The following SASH1 variants were observed in gnomAD, a reference collection of about 807,000 sequenced individuals.
SASH1 encodes SAM and SH3 domain containing 1, also known as SAM and SH3 domain-containing protein 1.
SASH1 carries 44 observed loss-of-function variants against 125.2 expected under a neutral mutation model. The ratio of observed to expected loss-of-function variants is 0.35; its 90% CI spans 0.28 to 0.45. SASH1 has a LOEUF of 0.45. Among genes scored for constraint, SASH1 ranks in the 20% least tolerant of loss-of-function variants. SASH1 has a pLI of 1.00. For missense variants in SASH1, 1,426 were observed against 1,614.5 expected (o/e 0.88, Z 2.00); for synonymous variants, 639 against 649.1 (o/e 0.98, Z 0.24).
intron 15 of SASH1, 119 bp from the exon 16 acceptor site, chr6:148,534,631 CT>C: frequency 5.1e-6 from 5 of 972,184 alleles, no homozygotes; most frequent in Non-Finnish European, 8.1e-6. Flanking sequence ...ACTTACTAAT[CT>C]TTTGATTAGC....
At chr6:148,520,847 GTGA>G (rs1780765592) in intron 10 of SASH1, among the ~76,000 whole-genome samples, 1 of 152,154 alleles carries the variant, frequency 6.6e-6, no homozygotes, top group Non-Finnish European at 1.5e-5. Flanking sequence ...CACCAATTTG[GTGA>G]TTTGAAAACA....
the SASH1 span, among the ~76,000 whole-genome samples, chr6:148,200,401 G>C: frequency 6.6e-6 from 1 of 152,214 alleles, no homozygotes; most frequent in Non-Finnish European, 1.5e-5. Context: ...GCAGTGCTGT[G>C]ATCTCTGCAG....
At chr6:148,443,491 T>TATATATA (rs1264899192) in intron 4 of SASH1, among the ~76,000 whole-genome samples, 115 of 25,726 alleles carry the variant, frequency 4.5e-3, no homozygotes, top group South Asian at 0.013. Context: ...TTATATATAT[T>TATATATA]TTATATATAT....
At chr6:148,401,763 C>T (rs914614311) in intron 2 of SASH1, among the ~76,000 whole-genome samples, 2 of 151,626 alleles carry the variant, frequency 1.3e-5, no homozygotes, top group African/African-American at 2.4e-5. Context: ...CATGAATATT[C>T]GTGAACATCT....
At chr6:148,341,099 C>T (rs1781306515), upstream of SASH1, among the ~76,000 whole-genome samples, 1 of 152,124 alleles carries the variant, frequency 6.6e-6, no homozygotes. Context: ...TGCAGCACTG[C>T]ACTGCCGGGG....
At chr6:148,354,981 A>T (rs940028569) in intron 1 of SASH1, among the ~76,000 whole-genome samples, 2 of 152,030 alleles carry the variant, frequency 1.3e-5, no homozygotes, top group African/African-American at 4.8e-5. Flanking sequence ...CTGGTCTCGA[A>T]CTCCTGACCT....
the SASH1 span, among the ~76,000 whole-genome samples, chr6:148,257,465 G>A: frequency 6.6e-6 from 1 of 152,174 alleles, no homozygotes; most frequent in Non-Finnish European, 1.5e-5. Context: ...TCTCTCATGT[G>A]TTCCTGACTT....
At chr6:148,211,210 T>C in the SASH1 span, among the ~76,000 whole-genome samples, 5 of 152,194 alleles carry the variant, frequency 3.3e-5, no homozygotes, top group Admixed American at 6.5e-5. Context: ...TAGGAATAAA[T>C]ACAAAGAGAA....
the SASH1 span, among the ~76,000 whole-genome samples, chr6:148,202,665 G>A: frequency 3.9e-5 from 6 of 152,218 alleles, no homozygotes; most frequent in African/African-American, 1.4e-4. Flanking sequence ...GGGAAAGAAA[G>A]AATATAAGGT....
At position 148,551,093 on chromosome 6, in the gene SASH1, G is replaced by A. The variant is rs1002201157; in HGVS notation, c.*2535G>A. The A allele has an allele frequency of 6.6e-6, 1 of 152,548 alleles. No homozygotes were observed. 9.4% of individuals were successfully genotyped at this position (152,548 alleles called of 1,614,324 possible). A position where few individuals can be genotyped will look rare whatever the true frequency, so the allele number is the denominator to read the frequency against. On this transcript the variant is annotated 3_prime_UTR_variant, in exon 20 of 20. Coordinates refer to ENST00000367467, the MANE Select transcript of SASH1 (RefSeq NM_015278.5). Reference sequence around the variant, plus strand: ...GGAATGTCTAGTCTGAGGGGTCTGAGGTTGTTTTTACTTTATTGTGTTGTT... The same window carrying A: ...GGAATGTCTAGTCTGAGGGGTCTGAAGTTGTTTTTACTTTATTGTGTTGTT...
intron 1 of SASH1, among the ~76,000 whole-genome samples, chr6:148,378,671 G>A (rs1783011445): frequency 6.6e-6 from 1 of 152,136 alleles, no homozygotes; most frequent in South Asian, 2.1e-4. Flanking sequence ...TTCTCATGTA[G>A]GCCACCCTTA....
intron 2 of SASH1, among the ~76,000 whole-genome samples, chr6:148,410,396 C>A (rs558290402): frequency 1.1e-4 from 16 of 152,072 alleles, no homozygotes; most frequent in African/African-American, 3.6e-4. Context: ...GAGCCCTCCC[C>A]GTAAGAAACT....
chr6:148,512,447 G>A (rs912635642), intron 8 of SASH1: 2 of 984,384 alleles, frequency 2.0e-6, no homozygotes, highest in African/African-American at 3.5e-5. Context: ...ATGTTTATAT[G>A]TAATTCCATG....
intron 2 of SASH1, among the ~76,000 whole-genome samples, chr6:148,418,320 T>C (rs1784909377): frequency 6.6e-6 from 1 of 152,228 alleles, no homozygotes; most frequent in Non-Finnish European, 1.5e-5. Context: ...CTACTCGGGA[T>C]AAACAAGGAC....
chr6:148,391,754 G>A lies in SASH1; in HGVS notation c.285+1492G>A, dbSNP rs530204563. Reference sequence around the variant, plus strand: ...ATTTGCTATAAAATATCATAAAAGCGTCTGCATTTCTCAGTTTAAATGTCT... The same window carrying A: ...ATTTGCTATAAAATATCATAAAAGCATCTGCATTTCTCAGTTTAAATGTCT... On this transcript the variant is annotated intron_variant, in intron 2 of 19. Coordinates refer to ENST00000367467, the MANE Select transcript of SASH1 (RefSeq NM_015278.5). Among the ~76,000 whole-genome samples the A allele has an allele frequency of 1.7e-4, 26 of 152,254 alleles. No individual in the cohort carries two copies. In the East Asian group the frequency reaches 1.9e-3, roughly 11 times the overall value.
At chr6:148,503,075 A>G (rs1583265257) in intron 8 of SASH1, among the ~76,000 whole-genome samples, 1 of 152,292 alleles carries the variant, frequency 6.6e-6, no homozygotes, top group East Asian at 1.9e-4. Flanking sequence ...TGCCTTTCCT[A>G]ATGCCTTGAA....
intron 1 of SASH1, among the ~76,000 whole-genome samples, chr6:148,369,191 G>A (rs889540132): frequency 6.6e-6 from 1 of 152,192 alleles, no homozygotes; most frequent in Non-Finnish European, 1.5e-5. Context: ...TTCCAGGAAT[G>A]CAGCACAGAG....
At chr6:148,418,792 A>C (rs1014969184) in intron 2 of SASH1, among the ~76,000 whole-genome samples, 1 of 151,218 alleles carries the variant, frequency 6.6e-6, no homozygotes, top group Admixed American at 6.6e-5. Context: ...GGATCAGGGA[A>C]GGCCCAGGAG....
rs1373864935 is a variant in SASH1, at chr6:148,440,227, A to C, written c.329A>C (p.Gln110Pro). 8.7e-6 allele frequency: 14 copies of C among 1,613,706 alleles called. No homozygotes were observed. The highest frequency in any genetic ancestry group is 1.3e-5 in the African/African-American group (1 of 74,826). ...ASPTSLQLRS[Q>P]IEESLGFCSA... is the part of the protein sequence containing the mutation. ...CCCACGTCACTTCAGCTGCGGTCCC[A>C]GATCGAAGTAAGCACAATGACTTTA... Residue 110 changes from glutamine (Q) to proline (P), a missense_variant, in exon 3 of 20, where the codon CAG becomes CCG. Gln to Pro is a moderately conservative substitution (Grantham distance 76, BLOSUM62 -1). This residue lies in a region of SASH1 where 567 missense variants were observed against 575.6 expected (regional missense o/e 0.99). Transcript: ENST00000367467.
Sources: gnomAD v4.1 joint callset for allele counts (sites outside exome capture counted in the v4.1 genomes callset) on GRCh38, gnomAD v4.1.1 for gene constraint, gnomAD v4.1.1 regional missense constraint, MANE v1.5 for transcripts, NCBI Gene and HGNC (gene_info 2026-07-23, HGNC 2026-07-21) for gene names.